The following MEI1 variants were observed in gnomAD, a reference collection of about 807,000 sequenced individuals.
MEI1 encodes the protein meiotic double-stranded break formation protein 1, also known as meiosis inhibitor protein 1.
In MEI1, 103 loss-of-function variants were observed where a neutral mutation model predicts 146.2. The observed-to-expected ratio is 0.70, with a 90% CI of 0.60 to 0.83. The LOEUF (loss-of-function observed/expected upper bound fraction) is 0.83, where lower values mean the gene tolerates loss of function less well. Among genes scored for constraint, MEI1 ranks in the 40% least tolerant of loss-of-function variants. MEI1 has a pLI of 0.00. For missense variants in MEI1, 1,529 were observed against 1,533.0 expected (o/e 1.00, Z 0.04); for synonymous variants, 652 against 628.2 (o/e 1.04, Z -0.57).
chr22:41,716,174 C>G (rs1466103627), intron 5 of MEI1, 28 bp downstream of exon 5: 2 of 1,499,346 alleles, frequency 1.3e-6, no homozygotes, highest in Non-Finnish European at 1.8e-6. Flanking sequence ...GGAGCTGCCA[C>G]TACCCTTTTA....
At chr22:41,763,342 G>A (rs2074629547) in intron 19 of MEI1, 21 bp downstream of exon 19, 1 of 1,612,030 alleles carries the variant, frequency 6.2e-7, no homozygotes, top group Non-Finnish European at 8.5e-7. Context: ...CAATGCCTGG[G>A]CTCCTTGTCC....
chr22:41,712,391 C>T (rs764282964), intron 3 of MEI1, among the ~76,000 whole-genome samples: 33 of 150,860 alleles, frequency 2.2e-4, no homozygotes, highest in Admixed American at 5.3e-4. Flanking sequence ...CCCACCACCA[C>T]GCCCGGCTAA....
At chr22:41,733,034 A>T (rs576931666) in intron 11 of MEI1, among the ~76,000 whole-genome samples, 2 of 151,852 alleles carry the variant, frequency 1.3e-5, no homozygotes, top group South Asian at 4.2e-4. Flanking sequence ...ACCTGTCTCA[A>T]CCTCCCAAAG....
chr22:41,786,927 G>GTATC (rs2076008483), intron 26 of MEI1, among the ~76,000 whole-genome samples: 1 of 152,214 alleles, frequency 6.6e-6, no homozygotes, highest in Admixed American at 6.5e-5. Context: ...GGCCTATGAA[G>GTATC]GATACTGGGG....
chr22:41,731,369 G>C (rs768031526), intron 9 of MEI1, among the ~76,000 whole-genome samples: 1 of 150,968 alleles, frequency 6.6e-6, no homozygotes, highest in African/African-American at 2.4e-5. Flanking sequence ...CTTTTTTTGA[G>C]ACGGAGTCCT....
intron 24 of MEI1, among the ~76,000 whole-genome samples, chr22:41,782,586 G>A (rs181209459): frequency 8.5e-5 from 13 of 152,240 alleles, no homozygotes; most frequent in East Asian, 1.9e-4. Context: ...CTCACACTGC[G>A]CCCAATACTG....
intron 20 of MEI1, among the ~76,000 whole-genome samples, chr22:41,771,428 C>T (rs1005412617): frequency 2.6e-5 from 4 of 152,138 alleles, no homozygotes; most frequent in Non-Finnish European, 4.4e-5. Context: ...CTAGAATTGT[C>T]AGATGCCCCA....
intron 17 of MEI1, 22 bp from the exon 18 acceptor site, chr22:41,758,343 C>T: frequency 6.2e-7 from 1 of 1,602,922 alleles, no homozygotes; most frequent in South Asian, 1.1e-5. Context: ...GTGTGGCTTT[C>T]CTCTACTTAT....
At chr22:41,722,753 A>G (rs2070980435) in intron 6 of MEI1, among the ~76,000 whole-genome samples, 1 of 152,130 alleles carries the variant, frequency 6.6e-6, no homozygotes, top group South Asian at 2.1e-4. Flanking sequence ...GCTAGATTAG[A>G]TGATTCATTT....
intron 21 of MEI1, 133 bp from the exon 22 acceptor site, chr22:41,778,575 C>A (rs1449413160): frequency 3.0e-5 from 19 of 639,644 alleles, no homozygotes; most frequent in Non-Finnish European, 5.3e-5. Flanking sequence ...TAAATCCCAA[C>A]AAAACACCTC....
intron 19 of MEI1, among the ~76,000 whole-genome samples, chr22:41,769,687 G>C (rs1035194396): frequency 6.6e-6 from 1 of 151,028 alleles, no homozygotes; most frequent in African/African-American, 2.4e-5. Flanking sequence ...GGCCAGGCTG[G>C]TCTCAAACTC....
chr22:41,702,992 A>G (rs2068828423), intron 1 of MEI1, among the ~76,000 whole-genome samples: 1 of 152,210 alleles, frequency 6.6e-6, no homozygotes, highest in South Asian at 2.1e-4. Context: ...TGCTGGAATT[A>G]CAGGTGTGAA....
intron 14 of MEI1, among the ~76,000 whole-genome samples, chr22:41,747,709 A>AT (rs2073416122): frequency 6.6e-6 from 1 of 151,326 alleles, no homozygotes; most frequent in South Asian, 2.1e-4. Flanking sequence ...GTCTCAAAGA[A>AT]TAAAAAAAAC....
Position 41,699,676 on chromosome 22 carries a change from C to T in MEI1, c.138C>T (p.Ala46=). The stretch of plus-strand genomic sequence containing the variant: ...CCGTGACCCCCCGCCTGTGCCTGGC[C>T]TGCGCGCTGGAGCTGCTGCCGGACC... ...LLPVTPRLCL[A]CALELLPDPG... The change falls in exon 1 of 31, where the codon GCC becomes GCT. Residue 46 remains alanine, a synonymous_variant. Coordinates refer to ENST00000401548, the MANE Select transcript of MEI1 (RefSeq NM_152513.4). 1 of 1,592,146 alleles carries T rather than the reference C, an allele frequency of 6.3e-7. No individual in the cohort carries two copies. The highest frequency in any genetic ancestry group is 8.5e-7 in the Non-Finnish European group (1 of 1,169,922).
At chr22:41,749,543 G>A (rs2073599300) in intron 15 of MEI1, among the ~76,000 whole-genome samples, 1 of 152,172 alleles carries the variant, frequency 6.6e-6, no homozygotes, top group Non-Finnish European at 1.5e-5. Context: ...CCAAAGTGCT[G>A]GGGTTACAGA....
intron 1 of MEI1, among the ~76,000 whole-genome samples, chr22:41,700,948 T>C (rs1237916962): frequency 6.7e-6 from 1 of 150,058 alleles, no homozygotes; most frequent in Non-Finnish European, 1.5e-5. Flanking sequence ...TCTTTTTTTT[T>C]TTTTTTTTGA....
At chr22:41,759,722 G>T (rs1446633131) in intron 18 of MEI1, among the ~76,000 whole-genome samples, 1 of 152,030 alleles carries the variant, frequency 6.6e-6, no homozygotes, top group Non-Finnish European at 1.5e-5. Flanking sequence ...CCAGCTACTC[G>T]GGAGGCTGAG....
intron 19 of MEI1, among the ~76,000 whole-genome samples, chr22:41,769,940 G>T (rs1476039382): frequency 6.6e-6 from 1 of 151,128 alleles, no homozygotes; most frequent in Admixed American, 6.6e-5. Flanking sequence ...TTTGAAACCA[G>T]CCTGACCAAC....
At position 41,778,272 on chromosome 22, in the gene MEI1, C is replaced by T. The variant is rs113639478; in HGVS notation, c.2711-436C>T. Among the ~76,000 whole-genome samples the T allele has an allele frequency of 4.5e-3, 678 of 150,324 alleles. 1 individual carries two copies. Among genetic ancestry groups the T allele is most frequent in the Non-Finnish European group, 7.0e-3 (472 of 67,408 alleles). On this transcript the variant is annotated intron_variant, in intron 21 of 30. Coordinates refer to ENST00000401548, the MANE Select transcript of MEI1 (RefSeq NM_152513.4). ...TCTACCCTCATGATTCAGTCATCTA[C>T]CAAAGGCCTCACTTCCTAATACTAT...
Sources: allele counts gnomAD v4.1 joint callset (sites outside exome capture counted in the v4.1 genomes callset), GRCh38; gene constraint gnomAD v4.1.1; transcripts MANE v1.5; gene names NCBI Gene and HGNC (gene_info 2026-07-23, HGNC 2026-07-21).